The following OSBPL1A variants were observed in gnomAD, a reference collection of about 807,000 sequenced individuals.
OSBPL1A encodes the protein oxysterol-binding protein-related protein 1.
OSBPL1A carries 80 observed loss-of-function variants against 137.1 expected under a neutral mutation model. That is an observed-to-expected ratio of 0.58 (90% CI 0.49 to 0.70). The LOEUF (loss-of-function observed/expected upper bound fraction) is 0.70. OSBPL1A is among the 30% of genes least tolerant of loss of function. OSBPL1A has a pLI of 0.00. For synonymous variants in OSBPL1A, 365 were observed against 389.7 expected (o/e 0.94, Z 0.75); for missense variants, 970 against 1,129.4 (o/e 0.86, Z 2.02).
At chr18:24,305,227 A>T (rs1327652545) in intron 13 of OSBPL1A, among the ~76,000 whole-genome samples, 1 of 152,230 alleles carries the variant, frequency 6.6e-6, no homozygotes, top group Admixed American at 6.5e-5. Flanking sequence ...TAGTTTTCCT[A>T]AGTTATAATT....
chr18:24,384,977 T>C (rs1216710034), intron 1 of OSBPL1A, among the ~76,000 whole-genome samples: 4 of 149,836 alleles, frequency 2.7e-5, no homozygotes, highest in East Asian at 2.0e-4. Context: ...TTTTTTGAGA[T>C]GGAGTCTTGC....
At chr18:24,240,239 A>C (rs1434278411) in intron 15 of OSBPL1A, among the ~76,000 whole-genome samples, 1 of 151,994 alleles carries the variant, frequency 6.6e-6, no homozygotes, top group Admixed American at 6.6e-5. Flanking sequence ...TTCATTTTCC[A>C]ATTCCATATT....
rs1179648566 is a variant in OSBPL1A at position 24,337,997 on chromosome 18, T to C, written c.394+3550A>G. Among the ~76,000 whole-genome samples the C allele has an allele frequency of 2.6e-5, 4 of 152,062 alleles. No homozygotes were observed. The South Asian group carries it at 8.3e-4, about 32-fold the overall frequency. ...GATATGGCAAAATGTTAATAATTGGTGAATTTGAGTGAAGGACATACAAAT... is the reference window on the plus strand; with the variant it reads ...GATATGGCAAAATGTTAATAATTGGCGAATTTGAGTGAAGGACATACAAAT... On this transcript the variant is annotated intron_variant, in intron 5 of 27. Coordinates refer to ENST00000319481, the MANE Select transcript of OSBPL1A (RefSeq NM_080597.4).
chr18:24,260,408 C>T lies in OSBPL1A; in HGVS notation c.1281+20434G>A, dbSNP rs575863951. ...CAACAGCCAAAAGGTAGAAACAGCCCAAATGCCCATAAATGGATATACAGA... is the reference window on the plus strand; with the variant it reads ...CAACAGCCAAAAGGTAGAAACAGCCTAAATGCCCATAAATGGATATACAGA... On this transcript the variant is annotated intron_variant, in intron 15 of 27. Transcript: ENST00000319481. Among the ~76,000 whole-genome samples, 31 of 152,222 alleles carry T rather than the reference C, an allele frequency of 2.0e-4. No homozygotes were observed. In the South Asian group the frequency reaches 5.8e-3, roughly 28 times the overall value.
At chr18:24,360,019 G>T (rs916602664) in intron 4 of OSBPL1A, among the ~76,000 whole-genome samples, 1 of 152,182 alleles carries the variant, frequency 6.6e-6, no homozygotes, top group Non-Finnish European at 1.5e-5. Context: ...CCAGGCTGGA[G>T]TGCGATGGCG....
At chr18:24,292,165 G>A (rs1404401508) in intron 14 of OSBPL1A, among the ~76,000 whole-genome samples, 1 of 152,140 alleles carries the variant, frequency 6.6e-6, no homozygotes, top group African/African-American at 2.4e-5. Context: ...CTATAACCCA[G>A]TGAGGGTGAA....
intron 17 of OSBPL1A, among the ~76,000 whole-genome samples, chr18:24,216,200 G>T (rs2087690672): frequency 6.6e-6 from 1 of 152,150 alleles, no homozygotes; most frequent in African/African-American, 2.4e-5. Flanking sequence ...ACACGCCTTT[G>T]TATTCTCAAT....
At chr18:24,202,623 T>C (rs1212414886) in intron 17 of OSBPL1A, among the ~76,000 whole-genome samples, 1 of 152,248 alleles carries the variant, frequency 6.6e-6, no homozygotes, top group African/African-American at 2.4e-5. Flanking sequence ...ATAATCTACA[T>C]GTGAAACATA....
At chr18:24,379,218 G>T (rs1282718921) in intron 1 of OSBPL1A, among the ~76,000 whole-genome samples, 2 of 152,094 alleles carry the variant, frequency 1.3e-5, no homozygotes, top group Non-Finnish European at 2.9e-5. Flanking sequence ...TAAGAAAATG[G>T]GAGATAAAAG....
At chr18:24,311,622 C>T in intron 13 of OSBPL1A, 1 of 476,028 alleles carries the variant, frequency 2.1e-6, no homozygotes, top group Non-Finnish European at 2.8e-6. Context: ...ATTATTTAAA[C>T]TCTGAAATGT....
At chr18:24,176,271 C>T (rs951502435) in intron 21 of OSBPL1A, among the ~76,000 whole-genome samples, 1 of 152,186 alleles carries the variant, frequency 6.6e-6, no homozygotes, top group Non-Finnish European at 1.5e-5. Flanking sequence ...GACATCTTAA[C>T]TATAATTGAG....
intron 26 of OSBPL1A, 32 bp downstream of exon 26, chr18:24,166,547 C>A: frequency 6.3e-7 from 1 of 1,591,162 alleles, no homozygotes; most frequent in South Asian, 1.2e-5. Context: ...AGAAATGAGT[C>A]TTCACTGGTG....
chr18:24,176,827 A>G (rs937866351), intron 21 of OSBPL1A, among the ~76,000 whole-genome samples: 1 of 152,132 alleles, frequency 6.6e-6, no homozygotes, highest in African/African-American at 2.4e-5. Flanking sequence ...CTTCTGGGTC[A>G]TTTCAATGCA....
At chr18:24,224,152 T>C (rs957357928) in intron 17 of OSBPL1A, among the ~76,000 whole-genome samples, 2 of 152,162 alleles carry the variant, frequency 1.3e-5, no homozygotes, top group Non-Finnish European at 2.9e-5. Context: ...AACTGAGACA[T>C]TTTTTGTTAA....
At chr18:24,358,408 C>T in intron 4 of OSBPL1A, 1 of 699,142 alleles carries the variant, frequency 1.4e-6, no homozygotes, top group Non-Finnish European at 2.6e-6. Context: ...GACTTGTCCA[C>T]TCCTGTCCAC....
intron 2 of OSBPL1A, among the ~76,000 whole-genome samples, chr18:24,375,345 C>T (rs967532421): frequency 3.4e-5 from 4 of 118,962 alleles, no homozygotes; most frequent in Admixed American, 2.6e-4. Context: ...AAAAAAAAGA[C>T]AGAAGTACCC....
intron 11 of OSBPL1A, 142 bp from the exon 12 acceptor site, chr18:24,314,489 A>G: frequency 1.9e-6 from 1 of 533,416 alleles, no homozygotes; most frequent in Admixed American, 3.6e-5. Flanking sequence ...AAAAATTGGA[A>G]AAAAATAGAT....
At chr18:24,293,104 C>CAAAAAAAAAAAAAAAAA (rs1172730345) in intron 14 of OSBPL1A, among the ~76,000 whole-genome samples, 2 of 66,380 alleles carry the variant, frequency 3.0e-5, no homozygotes, top group Non-Finnish European at 5.4e-5. Context: ...ACTCCCGTCT[C>CAAAAAAAAAAAAAAAAA]AAAAAAAAAA....
At chr18:24,294,283 G>A (rs2632429) in intron 14 of OSBPL1A, among the ~76,000 whole-genome samples, 65,751 of 151,276 alleles carry the variant, frequency 0.43, 15,249 homozygotes, top group African/African-American at 0.56. Context: ...CCAGGCTGGA[G>A]TGCAGTGGCG....
Sources: gnomAD v4.1 joint callset for allele counts (sites outside exome capture counted in the v4.1 genomes callset) on GRCh38, gnomAD v4.1.1 for gene constraint, MANE v1.5 for transcripts, NCBI Gene and HGNC (gene_info 2026-07-23, HGNC 2026-07-21) for gene names.